The following RETREG2 variants were observed in gnomAD, a reference collection of about 807,000 sequenced individuals.
RETREG2 encodes reticulophagy regulator family member 2.
A neutral mutation model predicts 51.6 loss-of-function variants in RETREG2; 21 were observed. The ratio of observed to expected loss-of-function variants is 0.41; its 90% CI spans 0.29 to 0.59. The LOEUF (loss-of-function observed/expected upper bound fraction) is 0.59, where lower values mean the gene tolerates loss of function less well. Among genes scored for constraint, RETREG2 ranks in the 20% least tolerant of loss-of-function variants. The probability of loss-of-function intolerance (pLI) is 0.34; values close to 1 mark genes in which losing one functional copy is unlikely to be tolerated. For synonymous variants in RETREG2, 339 were observed against 288.6 expected (o/e 1.17, Z -1.77); for missense variants, 674 against 646.0 (o/e 1.04, Z -0.47).
Position 219,181,044 on chromosome 2 carries a change from C to A in RETREG2, c.641-18C>A. 6.2e-7 allele frequency: 1 copy of A among 1,612,804 alleles called. No homozygotes were observed. Among genetic ancestry groups the A allele is most frequent in the South Asian group, 1.1e-5 (1 of 90,978 alleles). On this transcript the variant is annotated intron_variant, in intron 5 of 8. Transcript: ENST00000430297. ...AAATTGGCGTAGGGAGCTCTTAGTT[C>A]ACGTTCTTAACCCATAGTGTTGAGT...
chr2:219,181,606 T>A, intron 7 of RETREG2, 34 bp from the exon 8 acceptor site: 1 of 1,611,120 alleles, frequency 6.2e-7, no homozygotes, highest in Non-Finnish European at 8.5e-7. Context: ...TCTTATCCCC[T>A]CACATGTCGT....
chr2:219,182,689 G>GT lies in RETREG2; in HGVS notation c.*63dup. On this transcript the variant is annotated 3_prime_UTR_variant, in exon 9 of 9. Coordinates refer to ENST00000430297, the MANE Select transcript of RETREG2 (RefSeq NM_024293.6). ...GGGCTTCCTGGCTAGGAGTGTTGCTGTTTCCTCCTTTGCCTACCACTCTGG... is the reference window on the plus strand; with the variant it reads ...GGGCTTCCTGGCTAGGAGTGTTGCTGTTTTCCTCCTTTGCCTACCACTCTGG... The GT allele has an allele frequency of 6.3e-7, 1 of 1,577,672 alleles. No homozygotes were observed. The highest frequency in any genetic ancestry group is 8.6e-7 in the Non-Finnish European group (1 of 1,159,858).
chr2:219,178,676 G>C (rs912372494), intron 1 of RETREG2, 43 bp downstream of exon 1: 1 of 1,420,606 alleles, frequency 7.0e-7, no homozygotes, highest in Non-Finnish European at 9.1e-7. Flanking sequence ...ATGAGCGGGG[G>C]AGGGAGGGGT....
chr2:219,179,651 G>A (rs1316202837), intron 2 of RETREG2, 82 bp from the exon 3 acceptor site: 1 of 1,365,770 alleles, frequency 7.3e-7, no homozygotes, highest in East Asian at 2.3e-5. Flanking sequence ...GGGCTGCAGA[G>A]GAGGGACAAC....
Position 219,182,766 on chromosome 2 carries a change from T to TCTGC in RETREG2, c.*154_*157dup, listed in dbSNP as rs749566443. ...CTGTCGGATGGTAGCTATTCCACCC[T>TCTGC]CTGCCTGCCTGCCTGCCTGCTGTCC... On this transcript the variant is annotated 3_prime_UTR_variant, in exon 9 of 9. Coordinates refer to ENST00000430297, the MANE Select transcript of RETREG2 (RefSeq NM_024293.6). 46 of 961,432 alleles carry TCTGC rather than the reference T, an allele frequency of 4.8e-5. No individual in the cohort carries two copies. The highest frequency in any genetic ancestry group is 6.5e-4 in the Middle Eastern group (2 of 3,070). 59.6% of individuals were successfully genotyped at this position (961,432 alleles called of 1,614,324 possible).
rs1440487494 is a variant in RETREG2 at position 219,178,413 on chromosome 2, A to G, written c.61A>G (p.Ser21Gly). ...GGGTGGGGGGCCGGGGATGGGCCTG[A>G]GCCTGGGCCTGGGTCTGGGTCTGAG... is the stretch of plus-strand genomic sequence containing the variant. ...GAGGGPGMGLSLGLGLGLSLG... is the reference protein window; with the variant it reads ...GAGGGPGMGLGLGLGLGLSLG... The change falls in exon 1 of 9, where the codon AGC becomes GGC. Residue 21 changes from serine (S) to glycine (G), a missense_variant. Transcript: ENST00000430297. 4.3e-5 allele frequency: 25 copies of G among 576,060 alleles called. No individual in the cohort carries two copies. The East Asian group carries it at 4.5e-4, about 10-fold the overall frequency. The allele number at this position is 576,060 out of a possible 1,614,324, so 35.7% of individuals were successfully genotyped here.
In RETREG2 at chr2:219,181,094, T is replaced by C; in HGVS notation, c.673T>C (p.Tyr225His). 2 of 1,614,170 alleles carry C rather than the reference T, an allele frequency of 1.2e-6. No homozygotes were observed. Among genetic ancestry groups the C allele is most frequent in the African/African-American group, 1.3e-5 (1 of 75,052 alleles). ...TATCCTGCTGTGGCCCCTGGTGGTT[T>C]ATCATGAGCTGATCCAGAGGATGTA... is the stretch of plus-strand genomic sequence containing the variant. ...LSILLWPLVV[Y>H]HELIQRMYTR... Residue 225 changes from tyrosine (Y) to histidine (H), a missense_variant, in exon 6 of 9, where the codon TAT becomes CAT. Transcript: ENST00000430297.
In RETREG2 at chr2:219,183,854, C is replaced by G. The variant is rs1046121904; in HGVS notation, c.*1225C>G. 3 of 152,228 alleles carry G rather than the reference C, an allele frequency of 2.0e-5. No homozygotes were observed. The highest frequency in any genetic ancestry group is 7.2e-5 in the African/African-American group (3 of 41,450). 9.4% of individuals were successfully genotyped at this position (152,228 alleles called of 1,614,324 possible). On this transcript the variant is annotated 3_prime_UTR_variant, in exon 9 of 9. Transcript: ENST00000430297. Reference sequence around the variant, plus strand: ...TCTACATGCTAACAACTCACTCAGCCTGGATTTATCTTTACTGGGGAAGCC... The same window carrying G: ...TCTACATGCTAACAACTCACTCAGCGTGGATTTATCTTTACTGGGGAAGCC...
intron 4 of RETREG2, 116 bp from the exon 5 acceptor site, chr2:219,180,554 A>C (rs924895512): frequency 6.4e-7 from 1 of 1,566,020 alleles, no homozygotes; most frequent in Non-Finnish European, 8.6e-7. Flanking sequence ...AAACTGGACC[A>C]CCCCATTCCT....
At position 219,184,824 on chromosome 2, in the gene RETREG2, G is replaced by GTTTTTTTTT. The variant is rs1559224153; in HGVS notation, c.*2195_*2196insTTTTTTTTT. On this transcript the variant is annotated 3_prime_UTR_variant, in exon 9 of 9. Transcript: ENST00000430297. ...TTGTTTTGGTTTTTTGTTTTTTGTG[G>GTTTTTTTTT]GTTTTTTTTTTTTTTTTTTTGAGAC... The GTTTTTTTTT allele has an allele frequency of 8.2e-5, 3 of 36,454 alleles. No individual in the cohort carries two copies. Among genetic ancestry groups the GTTTTTTTTT allele is most frequent in the Non-Finnish European group, 1.9e-4 (2 of 10,684 alleles). The allele number at this position is 36,454 out of a possible 1,614,324, so 2.3% of individuals were successfully genotyped here.
In RETREG2 at chr2:219,182,468, G is replaced by T. The variant is rs1441344922; in HGVS notation, c.1471G>T (p.Asp491Tyr). The change falls in exon 9 of 9, where the codon GAC becomes TAC. Residue 491 changes from aspartate (D) to tyrosine (Y), a missense_variant. Coordinates refer to ENST00000430297, the MANE Select transcript of RETREG2 (RefSeq NM_024293.6). ...PEEEEALTTE[D>Y]FELLDQGELE... ...GGAAGAAGAGGCACTCACCACTGAG[G>T]ACTTTGAGTTGCTGGATCAGGGGGA... The T allele has an allele frequency of 6.2e-7, 1 of 1,613,972 alleles. No individual in the cohort carries two copies. The highest frequency in any genetic ancestry group is 2.2e-5 in the East Asian group (1 of 44,860).
chr2:219,181,967 T>C, intron 8 of RETREG2, 46 bp from the exon 9 acceptor site: 6 of 1,598,224 alleles, frequency 3.8e-6, no homozygotes, highest in Non-Finnish European at 5.1e-6. Flanking sequence ...TTGTGGCTAA[T>C]CAGACCAGCA....
intron 4 of RETREG2, 60 bp downstream of exon 4, chr2:219,180,305 G>C: frequency 6.2e-7 from 1 of 1,603,498 alleles, no homozygotes; most frequent in Non-Finnish European, 8.5e-7. Context: ...AGGTGGCGGG[G>C]GATGGGAGTG....
intron 2 of RETREG2, 101 bp downstream of exon 2, chr2:219,179,129 C>T (rs1950237264): frequency 2.3e-6 from 2 of 874,290 alleles, no homozygotes; most frequent in African/African-American, 3.3e-5. Flanking sequence ...AGCAGGCCAC[C>T]TGCCTCCCAG....
rs769332007 is a variant in RETREG2, at chr2:219,182,538, C to G, written c.1541C>G (p.Pro514Arg). Reference sequence around the variant, plus strand: ...GAGCTGGGCTTGGAGCCAGAGACACCGCCAAAACCCCCTGATGCTCCACCC... The same window carrying G: ...GAGCTGGGCTTGGAGCCAGAGACACGGCCAAAACCCCCTGATGCTCCACCC... ...NAELGLEPET[P>R]PKPPDAPPLG... The change falls in exon 9 of 9, where the codon CCG becomes CGG. Residue 514 changes from proline to arginine, a missense_variant. Coordinates refer to ENST00000430297, the MANE Select transcript of RETREG2 (RefSeq NM_024293.6). 10 of 1,614,134 alleles carry G rather than the reference C, an allele frequency of 6.2e-6. No homozygotes were observed. Among genetic ancestry groups the G allele is most frequent in the South Asian group, 5.5e-5 (5 of 91,082 alleles).
Position 219,179,712 on chromosome 2 carries a change from GC to G in RETREG2, c.389-15del, listed in dbSNP as rs1272679679. On this transcript the variant is annotated intron_variant, in intron 2 of 8. Transcript: ENST00000430297. The stretch of plus-strand genomic sequence containing the variant: ...CAGGGCCCCTACCACTCAATAATTT[GC>G]CCCCCTCCTCTCTCTCTAGCATCAT... 6.8e-6 allele frequency: 11 copies of G among 1,613,184 alleles called. No homozygotes were observed. Among genetic ancestry groups the G allele is most frequent in the Non-Finnish European group, 9.3e-6 (11 of 1,179,360 alleles).
chr2:219,178,490 C>G lies in RETREG2; in HGVS notation c.138C>G (p.Ala46=). 1.6e-6 allele frequency: 2 copies of G among 1,273,680 alleles called. No homozygotes were observed. The highest frequency in any genetic ancestry group is 2.1e-6 in the Non-Finnish European group (2 of 960,096). The allele number at this position is 1,273,680 out of a possible 1,614,324, so 78.9% of individuals were successfully genotyped here. A position where few individuals can be genotyped will look rare whatever the true frequency, so the allele number is the denominator to read the frequency against. Residue 46 remains alanine (A), a synonymous_variant, in exon 1 of 9, where the codon GCC becomes GCG. Transcript: ENST00000430297. Reference sequence around the variant, plus strand: ...AGGCAGAGGAGGAGGCGGCCACGGCCGAGGCGGTGGGACGCCTGGCCACGA... The same window carrying G: ...AGGCAGAGGAGGAGGCGGCCACGGCGGAGGCGGTGGGACGCCTGGCCACGA... ...TSEAEEEAAT[A]EAVGRLATTL...
At chr2:219,179,897 C>A in intron 3 of RETREG2, 134 bp downstream of exon 3, 1 of 1,205,300 alleles carries the variant, frequency 8.3e-7, no homozygotes, top group Non-Finnish European at 1.2e-6. Context: ...TTTCATGGTC[C>A]TAGGCTCCTG....
At chr2:219,179,904 C>A in intron 3 of RETREG2, 141 bp downstream of exon 3, 1 of 1,174,514 alleles carries the variant, frequency 8.5e-7, no homozygotes, top group Non-Finnish European at 1.3e-6. Context: ...GTCCTAGGCT[C>A]CTGTGTAGGT....
Sources: allele counts gnomAD v4.1 joint callset, GRCh38; gene constraint gnomAD v4.1.1; transcripts MANE v1.5; gene names NCBI Gene and HGNC (gene_info 2026-07-23, HGNC 2026-07-21).